The following ALMS1 variants were observed in gnomAD, a reference collection of about 807,000 sequenced individuals.
The protein encoded by ALMS1 is centrosome-associated protein ALMS1.
In ALMS1, 271 loss-of-function variants were observed where a neutral mutation model predicts 352.2. That is an observed-to-expected ratio of 0.77 (90% CI 0.70 to 0.85). ALMS1 has a LOEUF of 0.85. Ranked by LOEUF, ALMS1 falls within the 40% of genes least tolerant of loss-of-function variation. ALMS1 has a pLI of 0.00. For missense variants in ALMS1, 5,445 were observed against 4,870.7 expected (o/e 1.12, Z -3.51); for synonymous variants, 1,865 against 1,761.2 (o/e 1.06, Z -1.48).
At chr2:73,505,896 GT>G (rs1454461226) in intron 10 of ALMS1, among the ~76,000 whole-genome samples, 1 of 152,078 alleles carries the variant, frequency 6.6e-6, no homozygotes, top group African/African-American at 2.4e-5. Flanking sequence ...TATTGCCTAG[GT>G]TTTTTTGTAG....
rs1343952124 is a variant in ALMS1 at position 73,395,076 on chromosome 2, A to ATTTTTTTTTTTTTTTTTTTTTTTT, written c.324+8885_324+8886insTTTTTTTTTTTTTTTTTTTTTTTT. Among the ~76,000 whole-genome samples the ATTTTTTTTTTTTTTTTTTTTTTTT allele has an allele frequency of 1.8e-5, 2 of 108,300 alleles. 1 individual carries two copies. Among genetic ancestry groups the ATTTTTTTTTTTTTTTTTTTTTTTT allele is most frequent in the African/African-American group, 8.8e-5 (2 of 22,748 alleles). 71.0% of individuals were successfully genotyped at this position (108,300 alleles called of 152,430 possible). A position where few individuals can be genotyped will look rare whatever the true frequency, so the allele number is the denominator to read the frequency against. ...TATATATGTGTATATATATATATAT[A>ATTTTTTTTTTTTTTTTTTTTTTTT]TATTTTTTTTTTTTTTTTTTTTTGA... On this transcript the variant is annotated intron_variant, in intron 1 of 22. Transcript: ENST00000613296.
chr2:73,514,645 C>A (rs978550530), intron 10 of ALMS1, among the ~76,000 whole-genome samples: 1 of 152,110 alleles, frequency 6.6e-6, no homozygotes, highest in Non-Finnish European at 1.5e-5. Context: ...TATTTACATA[C>A]ACACATCCTT....
Position 73,601,434 on chromosome 2 carries a change from C to G in ALMS1, c.12112C>G (p.Gln4038Glu). Residue 4038 changes from glutamine (Q) to glutamate (E), a missense_variant and splice_region_variant, in exon 19 of 23, where the codon CAG becomes GAG. Physicochemically the swap from Gln to Glu is conservative, Grantham distance 29. Transcript: ENST00000613296. ...LLRPFVRATL[Q>E]ESLQFHRPDF... Reference sequence around the variant, plus strand: ...GAGGCCATTTGTGAGAGCAACCCTTCAGGTGCAGTGACGTTGACTTAACTT... The same window carrying G: ...GAGGCCATTTGTGAGAGCAACCCTTGAGGTGCAGTGACGTTGACTTAACTT... The G allele has an allele frequency of 1.2e-6, 2 of 1,613,968 alleles. No individual in the cohort carries two copies. The highest frequency in any genetic ancestry group is 1.7e-6 in the Non-Finnish European group (2 of 1,179,866).
intron 1 of ALMS1, among the ~76,000 whole-genome samples, chr2:73,391,283 T>C (rs1670639484): frequency 7.0e-6 from 1 of 141,954 alleles, no homozygotes; most frequent in Middle Eastern, 3.5e-3. Flanking sequence ...CCTATTCATA[T>C]ACGTTTTATT....
At chr2:73,590,361 C>T (rs991535217) in intron 16 of ALMS1, among the ~76,000 whole-genome samples, 10 of 152,098 alleles carry the variant, frequency 6.6e-5, no homozygotes, top group Admixed American at 5.9e-4. Context: ...TCCAAATACC[C>T]ATGGAATATT....
At chr2:73,485,236 T>G (rs909167094) in intron 9 of ALMS1, among the ~76,000 whole-genome samples, 1 of 152,108 alleles carries the variant, frequency 6.6e-6, no homozygotes, top group Non-Finnish European at 1.5e-5. Context: ...ATGATGGTGA[T>G]GTACAGATGG....
At chr2:73,489,077 A>G (rs934921635) in intron 9 of ALMS1, among the ~76,000 whole-genome samples, 1 of 152,234 alleles carries the variant, frequency 6.6e-6, no homozygotes, top group African/African-American at 2.4e-5. Flanking sequence ...TGTCTTACAC[A>G]TGACTTCCAA....
intron 9 of ALMS1, among the ~76,000 whole-genome samples, chr2:73,485,141 G>T (rs1254348987): frequency 6.6e-6 from 1 of 152,226 alleles, no homozygotes; most frequent in East Asian, 1.9e-4. Flanking sequence ...TTTGGAGGAG[G>T]AGAGGTGCTC....
chr2:73,576,897 A>G (rs752992664), intron 16 of ALMS1, among the ~76,000 whole-genome samples: 4 of 152,040 alleles, frequency 2.6e-5, no homozygotes, highest in Non-Finnish European at 5.9e-5. Flanking sequence ...TGCTGGGATT[A>G]CAGGCATGAG....
At chr2:73,518,683 T>G (rs1465110311) in intron 10 of ALMS1, among the ~76,000 whole-genome samples, 1 of 152,186 alleles carries the variant, frequency 6.6e-6, no homozygotes, top group Non-Finnish European at 1.5e-5. Context: ...TGGTATCTCA[T>G]TGTGGTTTTG....
At chr2:73,569,164 A>G (rs529746561) in intron 15 of ALMS1, among the ~76,000 whole-genome samples, 6 of 151,624 alleles carry the variant, frequency 4.0e-5, no homozygotes, top group Admixed American at 2.0e-4. Flanking sequence ...GCACGTGTGC[A>G]CCACCGCACC....
Position 73,450,577 on chromosome 2 carries a change from T to C in ALMS1, c.4050T>C (p.His1350=). 5.6e-6 allele frequency: 9 copies of C among 1,611,614 alleles called. No homozygotes were observed. The highest frequency in any genetic ancestry group is 7.6e-6 in the Non-Finnish European group (9 of 1,179,510). The change falls in exon 8 of 23, where the codon CAT becomes CAC. Residue 1350 remains histidine (H), a synonymous_variant. Transcript: ENST00000613296. ...PGVFYQQVLP[H]SHPTEEALKI... The stretch of plus-strand genomic sequence containing the variant: ...TTTTCTACCAACAGGTCTTGCCACA[T>C]AGTCATCCAACTGAAGAGGCTCTGA...
At chr2:73,391,438 C>T (rs543896939) in intron 1 of ALMS1, among the ~76,000 whole-genome samples, 35 of 151,538 alleles carry the variant, frequency 2.3e-4, no homozygotes, top group East Asian at 1.2e-3. Context: ...CGACTACAGG[C>T]GCCCGCCACC....
intron 7 of ALMS1, among the ~76,000 whole-genome samples, chr2:73,435,818 C>T (rs1225769927): frequency 6.6e-6 from 1 of 152,092 alleles, no homozygotes; most frequent in African/African-American, 2.4e-5. Context: ...TCTTGAACTC[C>T]TGGGCTCAAG....
At chr2:73,604,855 C>T (rs1675779410) in intron 21 of ALMS1, among the ~76,000 whole-genome samples, 1 of 152,146 alleles carries the variant, frequency 6.6e-6, no homozygotes, top group South Asian at 2.1e-4. Context: ...TGGTGTCTTA[C>T]CACTATTCAA....
At chr2:73,542,919 T>C (rs1461749410) in intron 12 of ALMS1, among the ~76,000 whole-genome samples, 6 of 152,020 alleles carry the variant, frequency 3.9e-5, no homozygotes, top group African/African-American at 4.8e-5. Context: ...GAATCAATAT[T>C]GTGAAAATGG....
intron 21 of ALMS1, chr2:73,604,100 A>G (rs958379861): frequency 2.0e-5 from 3 of 152,216 alleles, no homozygotes; most frequent in Non-Finnish European, 2.9e-5. Context: ...GTGTACTTTT[A>G]TATGCATAGA....
intron 17 of ALMS1, among the ~76,000 whole-genome samples, chr2:73,599,946 C>G (rs1675637800): frequency 1.3e-5 from 2 of 152,260 alleles, no homozygotes; most frequent in Admixed American, 1.3e-4. Flanking sequence ...TTTAGGTGTT[C>G]CTCAGTAGCT....
intron 10 of ALMS1, among the ~76,000 whole-genome samples, chr2:73,494,796 T>C (rs1673069345): frequency 6.6e-6 from 1 of 152,242 alleles, no homozygotes; most frequent in Non-Finnish European, 1.5e-5. Flanking sequence ...TTCTCCACTG[T>C]AAGGTTATTG....
Sources: gnomAD v4.1 joint callset for allele counts (sites outside exome capture counted in the v4.1 genomes callset) on GRCh38, gnomAD v4.1.1 for gene constraint, MANE v1.5 for transcripts, NCBI Gene and HGNC (gene_info 2026-07-23, HGNC 2026-07-21) for gene names.